KCNJ15: variants seen among roughly 807,000 people sequenced by gnomAD.
KCNJ15 encodes potassium inwardly rectifying channel subfamily J member 15, also known as ATP-sensitive inward rectifier potassium channel 15.
In KCNJ15, 14 loss-of-function variants were observed where a neutral mutation model predicts 23.0. That is an observed-to-expected ratio of 0.61 (90% confidence interval 0.40 to 0.95). The LOEUF is 0.95. Among genes scored for constraint, KCNJ15 ranks in the 40% least tolerant of loss-of-function variants. KCNJ15 has a pLI of 0.00. For missense variants in KCNJ15, 388 were observed against 461.8 expected (o/e 0.84, Z 1.46); for synonymous variants, 185 against 183.2 (o/e 1.01, Z -0.08).
Position 38,300,443 on chromosome 21 carries a change from C to T in KCNJ15, c.*54C>T, listed in dbSNP as rs1007906291. ...TGCAAGCTGTTTCCACATCAGAACT[C>T]CCTTCAAACACAAAGATTGCTGTGA... is the stretch of plus-strand genomic sequence containing the variant. On this transcript the variant is annotated 3_prime_UTR_variant, in exon 3 of 3. Coordinates refer to ENST00000398938, the MANE Select transcript of KCNJ15 (RefSeq NM_170736.3). 23 of 1,471,160 alleles carry T rather than the reference C, an allele frequency of 1.6e-5. No homozygotes were observed. Among genetic ancestry groups the T allele is most frequent in the Admixed American group, 4.4e-5 (2 of 45,368 alleles). The allele number at this position is 1,471,160 out of a possible 1,614,324, so 91.1% of individuals were successfully genotyped here. A position where few individuals can be genotyped will look rare whatever the true frequency, so the allele number is the denominator to read the frequency against.
chr21:38,283,373 T>C (rs892049322), intron 1 of KCNJ15, among the ~76,000 whole-genome samples: 11 of 152,336 alleles, frequency 7.2e-5, no homozygotes, highest in South Asian at 2.1e-4. Context: ...GCTGTTAATA[T>C]TTTAGAGGTG....
chr21:38,242,448 C>T (rs748368543), intron 1 of KCNJ15, among the ~76,000 whole-genome samples: 1 of 152,168 alleles, frequency 6.6e-6, no homozygotes, highest in African/African-American at 2.4e-5. Flanking sequence ...CACACACATA[C>T]TCTTTGAGAC....
In KCNJ15 at chr21:38,231,008, G is replaced by A. The variant is rs1033866728; in HGVS notation, c.-398-26038G>A. On this transcript the variant is annotated intron_variant, in intron 1 of 4. Transcript: ENST00000547341. The stretch of plus-strand genomic sequence containing the variant: ...CATTGAATGTATAGATCAATTTGAT[G>A]AGTGTTGCTATTTTAACAATAACAA... 3.3e-5 allele frequency among the ~76,000 whole-genome samples: 5 copies of A among 152,056 alleles called. No individual in the cohort carries two copies. In the East Asian group the frequency reaches 9.6e-4, roughly 29 times the overall value.
chr21:38,298,768 A>C (rs571305469), intron 2 of KCNJ15, among the ~76,000 whole-genome samples: 1 of 152,224 alleles, frequency 6.6e-6, no homozygotes, highest in Non-Finnish European at 1.5e-5. Flanking sequence ...ATAATTTTAA[A>C]TTTTCTATAA....
Position 38,300,288 on chromosome 21 carries a change from T to C in KCNJ15, c.1027T>C (p.Cys343Arg), listed in dbSNP as rs763000745. ...IRKSPDCTFY[C>R]ADSEKQQLEE... Reference sequence around the variant, plus strand: ...GAAAAGCCCAGATTGCACATTTTACTGTGCAGATTCTGAGAAACAGCAACT... The same window carrying C: ...GAAAAGCCCAGATTGCACATTTTACCGTGCAGATTCTGAGAAACAGCAACT... Residue 343 changes from cysteine (C) to arginine (R), a missense_variant, in exon 3 of 3, where the codon TGT (cysteine) becomes CGT (arginine). Physicochemically the swap from Cys to Arg is radical, Grantham distance 180 (BLOSUM62 -3). Coordinates refer to ENST00000398938, the MANE Select transcript of KCNJ15 (RefSeq NM_170736.3). 6.8e-6 allele frequency: 11 copies of C among 1,614,098 alleles called. No individual in the cohort carries two copies. The Admixed American group carries it at 8.3e-5, about 12-fold the overall frequency.
rs556335890 is a variant in KCNJ15 at position 38,272,699 on chromosome 21, A to C, written c.-117+15514A>C. 5.8e-4 allele frequency: 89 copies of C among 152,318 alleles called. 1 individual carries two copies. The highest frequency in any genetic ancestry group is 1.8e-3 in the African/African-American group (73 of 41,582). 9.4% of individuals were successfully genotyped at this position (152,318 alleles called of 1,614,324 possible). On this transcript the variant is annotated intron_variant, in intron 1 of 2. Coordinates refer to ENST00000398938, the MANE Select transcript of KCNJ15 (RefSeq NM_170736.3). ...TTAACCTCAGGCATGACTTTTCCCC[A>C]TTATCTGCTGTTTTTAATTTCAAGT... is the stretch of plus-strand genomic sequence containing the variant.
At chr21:38,255,898 C>G (rs1235940421), upstream of KCNJ15, among the ~76,000 whole-genome samples, 2 of 152,190 alleles carry the variant, frequency 1.3e-5, no homozygotes, top group Non-Finnish European at 2.9e-5. Context: ...CTGGCCCCAC[C>G]GACATGCCTG....
At chr21:38,255,669 G>C (rs796958177), upstream of KCNJ15, among the ~76,000 whole-genome samples, 3 of 152,292 alleles carry the variant, frequency 2.0e-5, no homozygotes, top group African/African-American at 7.2e-5. Flanking sequence ...CAGGGAGAGG[G>C]GGGAGAAAAT....
chr21:38,280,213 A>G (rs1983171197), intron 1 of KCNJ15, among the ~76,000 whole-genome samples: 1 of 152,196 alleles, frequency 6.6e-6, no homozygotes, highest in Admixed American at 6.5e-5. Context: ...CCAGTTACAC[A>G]GTATAGAAGA....
At chr21:38,277,299 C>T (rs747403510) in intron 1 of KCNJ15, among the ~76,000 whole-genome samples, 1 of 152,056 alleles carries the variant, frequency 6.6e-6, no homozygotes, top group Admixed American at 6.6e-5. Flanking sequence ...ATCCTTGGAC[C>T]TCTTAAAGAT....
intron 1 of KCNJ15, among the ~76,000 whole-genome samples, chr21:38,264,033 C>T (rs913746235): frequency 2.0e-5 from 3 of 152,174 alleles, no homozygotes; most frequent in Admixed American, 2.0e-4. Context: ...TGAGTGCACA[C>T]AGATCCACAG....
At chr21:38,253,039 A>G (rs543572096), upstream of KCNJ15, among the ~76,000 whole-genome samples, 1 of 152,282 alleles carries the variant, frequency 6.6e-6, no homozygotes, top group Admixed American at 6.5e-5. Context: ...TCAAAGACTG[A>G]TGGGCAGCAT....
chr21:38,231,703 T>G (rs1316014356), intron 1 of KCNJ15, among the ~76,000 whole-genome samples: 1 of 151,970 alleles, frequency 6.6e-6, no homozygotes, highest in Non-Finnish European at 1.5e-5. Context: ...ATGCTTTTTA[T>G]GCTCTATTGA....
Position 38,301,958 on chromosome 21 carries a change from T to TCACACACGCA in KCNJ15, c.*1577_*1586dup, listed in dbSNP as rs1415086214. On this transcript the variant is annotated 3_prime_UTR_variant, in exon 3 of 3. Transcript: ENST00000398938. Reference sequence around the variant, plus strand: ...TTCCCCCCACCAAGCACACACACAGTCACACACGCACACACACACACATGC... The same window carrying TCACACACGCA: ...TTCCCCCCACCAAGCACACACACAGTCACACACGCACACACACGCACACACACACACATGC... 1 of 157,506 alleles carries TCACACACGCA rather than the reference T, an allele frequency of 6.3e-6. No homozygotes were observed. The highest frequency in any genetic ancestry group is 1.5e-5 in the Non-Finnish European group (1 of 68,032). The allele number at this position is 157,506 out of a possible 1,614,324, so 9.8% of individuals were successfully genotyped here.
chr21:38,245,727 GAGAA>G (rs1345953711), intron 1 of KCNJ15, among the ~76,000 whole-genome samples: 4 of 151,920 alleles, frequency 2.6e-5, no homozygotes, highest in Non-Finnish European at 5.9e-5. Context: ...GAGAGAGAAA[GAGAA>G]AGGAAGGAAG....
At chr21:38,278,835 G>A (rs1437885220) in intron 1 of KCNJ15, among the ~76,000 whole-genome samples, 2 of 152,166 alleles carry the variant, frequency 1.3e-5, no homozygotes, top group Non-Finnish European at 2.9e-5. Flanking sequence ...GGCAGGTGGG[G>A]CCAGTTTCTG....
chr21:38,255,152 A>G (rs1980105116), upstream of KCNJ15, among the ~76,000 whole-genome samples: 1 of 152,172 alleles, frequency 6.6e-6, no homozygotes, highest in East Asian at 1.9e-4. Flanking sequence ...TGGGGCACGG[A>G]CTTGGATCAG....
chr21:38,241,719 C>T (rs891321587), intron 1 of KCNJ15, among the ~76,000 whole-genome samples: 1 of 152,086 alleles, frequency 6.6e-6, no homozygotes, highest in East Asian at 1.9e-4. Context: ...GTAATCATAG[C>T]ACTTTGGGAG....
chr21:38,258,981 G>A (rs770628060), intron 1 of KCNJ15, among the ~76,000 whole-genome samples: 10 of 152,038 alleles, frequency 6.6e-5, no homozygotes, highest in African/African-American at 9.7e-5. Context: ...AGGAAATCTC[G>A]AAAGGGCTGT....
Sources: allele counts gnomAD v4.1 joint callset (sites outside exome capture counted in the v4.1 genomes callset), GRCh38; gene constraint gnomAD v4.1.1; transcripts MANE v1.5; gene names NCBI Gene and HGNC (gene_info 2026-07-23, HGNC 2026-07-21).